PPARA: variants seen among roughly 807,000 people sequenced by gnomAD.
PPARA encodes the protein peroxisome proliferator-activated receptor alpha.
In PPARA, 22 loss-of-function variants were observed where a neutral mutation model predicts 42.2. The ratio of observed to expected loss-of-function variants is 0.52; its 90% CI spans 0.37 to 0.74. PPARA has a LOEUF of 0.74. PPARA is among the 30% of genes least tolerant of loss of function. The pLI is 0.00. For synonymous variants in PPARA, 242 were observed against 239.3 expected (o/e 1.01, Z -0.10); for missense variants, 465 against 608.2 (o/e 0.76, Z 2.48).
At chr22:46,202,665 AT>A (rs1932899065) in intron 4 of PPARA, among the ~76,000 whole-genome samples, 1 of 151,820 alleles carries the variant, frequency 6.6e-6, no homozygotes, top group African/African-American at 2.4e-5. Context: ...AAAATATTTT[AT>A]TTTTTATTTA....
At chr22:46,175,387 TCATTAATCTGTTGCC>T (rs1928872255) in intron 2 of PPARA, among the ~76,000 whole-genome samples, 1 of 152,118 alleles carries the variant, frequency 6.6e-6, no homozygotes, top group African/African-American at 2.4e-5. Flanking sequence ...ATTTTGCCAG[TCATTAATCTGTTGCC>T]CATTTCTGTC....
At chr22:46,172,332 A>C (rs886587164) in intron 2 of PPARA, among the ~76,000 whole-genome samples, 17 of 151,800 alleles carry the variant, frequency 1.1e-4, no homozygotes, top group Non-Finnish European at 1.9e-4. Flanking sequence ...AAAAAAAAAA[A>C]AAAAAAAACA....
At chr22:46,157,397 C>T (rs1274618528) in intron 2 of PPARA, among the ~76,000 whole-genome samples, 1 of 152,078 alleles carries the variant, frequency 6.6e-6, no homozygotes, top group Non-Finnish European at 1.5e-5. Flanking sequence ...CGAAATTGTC[C>T]CAGACCTCTG....
chr22:46,231,975 A>C lies in PPARA; in HGVS notation c.895A>C (p.Asn299His). 2.5e-6 allele frequency: 4 copies of C among 1,614,250 alleles called. No individual in the cohort carries two copies. Among genetic ancestry groups the C allele is most frequent in the Non-Finnish European group, 3.4e-6 (4 of 1,180,044 alleles). Residue 299 changes from asparagine to histidine, a missense_variant, in exon 8 of 9, where the codon AAC becomes CAC. Coordinates refer to ENST00000407236, the MANE Select transcript of PPARA (RefSeq NM_005036.6). This position sits in a 1 kb window ranked among gnomAD's most constrained non-coding sequence, Gnocchi z 7.7. ...EFAKAIPGFA[N>H]LDLNDQVTLL... ...CGCCAAGGCCATCCCAGGCTTCGCA[A>C]ACTTGGACCTGAACGATCAAGTGAC...
At position 46,214,967 on chromosome 22, in the gene PPARA, G is replaced by T. The variant is rs191642280; in HGVS notation, c.209-206G>T. ...GCTCAGCAGCAGTGAGAGCGAGCATGCTGGCTTTGGGAGCACAGCACAATG... is the reference window on the plus strand; with the variant it reads ...GCTCAGCAGCAGTGAGAGCGAGCATTCTGGCTTTGGGAGCACAGCACAATG... On this transcript the variant is annotated intron_variant, in intron 4 of 8. Transcript: ENST00000407236. Among the ~76,000 whole-genome samples, 152 of 152,272 alleles carry T rather than the reference G, an allele frequency of 1.0e-3. 1 individual carries two copies. Among genetic ancestry groups the T allele is most frequent in the Non-Finnish European group, 6.8e-4 (46 of 68,020 alleles).
At position 46,221,712 on chromosome 22, in the gene PPARA, T is replaced by TGGC. The variant is rs1935018250; in HGVS notation, c.711+1700_711+1702dup. Among the ~76,000 whole-genome samples, 2 of 151,984 alleles carry TGGC rather than the reference T, an allele frequency of 1.3e-5. No homozygotes were observed. Among genetic ancestry groups the TGGC allele is most frequent in the African/African-American group, 4.8e-5 (2 of 41,364 alleles). ...TACTTGGGAAGCTGAGGCAGGAGAA[T>TGGC]GGCGTGAACCCAGGAGGCAGAGCTT... On this transcript the variant is annotated intron_variant, in intron 7 of 8. Coordinates refer to ENST00000407236, the MANE Select transcript of PPARA (RefSeq NM_005036.6). The surrounding 1 kb of genome is among the most constrained non-coding windows in gnomAD (Gnocchi z 5.9).
chr22:46,200,530 T>C lies in PPARA; in HGVS notation c.208+1939T>C, dbSNP rs998577584. Among the ~76,000 whole-genome samples the C allele has an allele frequency of 3.9e-5, 6 of 152,278 alleles. No homozygotes were observed. The highest frequency in any genetic ancestry group is 1.4e-4 in the African/African-American group (6 of 41,486). On this transcript the variant is annotated intron_variant, in intron 4 of 8. Coordinates refer to ENST00000407236, the MANE Select transcript of PPARA (RefSeq NM_005036.6). This position sits in a 1 kb window ranked among gnomAD's most constrained non-coding sequence, Gnocchi z 4.8. ...GCAAAAATACAGTATTATCATCTTA[T>C]GGGACCATGATACCACAGTTGAACT...
intron 2 of PPARA, among the ~76,000 whole-genome samples, chr22:46,157,413 T>C (rs135549): frequency 0.48 from 72,327 of 151,860 alleles, 18,539 homozygotes; most frequent in African/African-American, 0.66. Context: ...CTCTGCAGCT[T>C]CCCCCACACC....
In PPARA at chr22:46,195,201, C is replaced by A. The variant is rs974577524; in HGVS notation, c.-42-3141C>A. Among the ~76,000 whole-genome samples the A allele has an allele frequency of 2.0e-5, 3 of 152,156 alleles. No individual in the cohort carries two copies. The highest frequency in any genetic ancestry group is 2.9e-5 in the Non-Finnish European group (2 of 68,034). On this transcript the variant is annotated intron_variant, in intron 3 of 8. Coordinates refer to ENST00000407236, the MANE Select transcript of PPARA (RefSeq NM_005036.6). The surrounding 1 kb of genome is among the most constrained non-coding windows in gnomAD (Gnocchi z 4.6). ...TACAGGTGTGAGCCACCATGCCCGG[C>A]CCCAGCTACTTGCTTTCTATTGGGA...
At position 46,212,673 on chromosome 22, in the gene PPARA, G is replaced by T. The variant is rs1373418480; in HGVS notation, c.209-2500G>T. Among the ~76,000 whole-genome samples, 1 of 151,928 alleles carries T rather than the reference G, an allele frequency of 6.6e-6. No homozygotes were observed. Among genetic ancestry groups the T allele is most frequent in the Non-Finnish European group, 1.5e-5 (1 of 68,012 alleles). On this transcript the variant is annotated intron_variant, in intron 4 of 8. Transcript: ENST00000407236. This position sits in a 1 kb window ranked among gnomAD's most constrained non-coding sequence, Gnocchi z 4.2. ...TTGTATATCTATTCACCTATCTAAGGGCATCTTGGTTGCTTCCAATTTTTG... is the reference window on the plus strand; with the variant it reads ...TTGTATATCTATTCACCTATCTAAGTGCATCTTGGTTGCTTCCAATTTTTG...
intron 4 of PPARA, among the ~76,000 whole-genome samples, chr22:46,205,777 G>A (rs772555498): frequency 2.6e-5 from 4 of 151,092 alleles, no homozygotes; most frequent in Non-Finnish European, 4.4e-5. Context: ...ACATTTAGGT[G>A]CATAAACATT....
Position 46,162,433 on chromosome 22 carries a change from G to A in PPARA, c.-127+10463G>A, listed in dbSNP as rs546661670. Among the ~76,000 whole-genome samples, 34 of 152,234 alleles carry A rather than the reference G, an allele frequency of 2.2e-4. No homozygotes were observed. Among genetic ancestry groups the A allele is most frequent in the African/African-American group, 7.5e-4 (31 of 41,532 alleles). ...ACACACTCCCTTACCCTCATACCCC[G>A]CCGCACCCCTGTGACCTCTACCTTT... On this transcript the variant is annotated intron_variant, in intron 2 of 8. Transcript: ENST00000407236. This position sits in a 1 kb window ranked among gnomAD's most constrained non-coding sequence, Gnocchi z 6.0.
rs1217464810 is a variant in PPARA, at chr22:46,211,556, C to T, written c.209-3617C>T. ...TGTTTTGTTACATTCTGCATTTCAC[C>T]CTGGGATCCTCCAACCTCCTAAGTT... is the stretch of plus-strand genomic sequence containing the variant. On this transcript the variant is annotated intron_variant, in intron 4 of 8. Transcript: ENST00000407236. This position sits in a 1 kb window ranked among gnomAD's most constrained non-coding sequence, Gnocchi z 4.1. 6.6e-6 allele frequency among the ~76,000 whole-genome samples: 1 copy of T among 152,136 alleles called. No homozygotes were observed. The highest frequency in any genetic ancestry group is 1.5e-5 in the Non-Finnish European group (1 of 68,026).
chr22:46,153,162 C>G (rs1480511228), intron 2 of PPARA, among the ~76,000 whole-genome samples: 2 of 141,224 alleles, frequency 1.4e-5, no homozygotes, highest in Non-Finnish European at 3.1e-5. Context: ...TTTCCCACAT[C>G]CTTTTTTTTT....
rs1933349068 is a variant in PPARA, at chr22:46,206,740, A to C, written c.208+8149A>C. Reference sequence around the variant, plus strand: ...GATAGTAGTAAGAAAAATTTTTTACATTTACCCACATAATTACCTTTTCTA... The same window carrying C: ...GATAGTAGTAAGAAAAATTTTTTACCTTTACCCACATAATTACCTTTTCTA... On this transcript the variant is annotated intron_variant, in intron 4 of 8. Transcript: ENST00000407236. Among the ~76,000 whole-genome samples, 6 of 152,144 alleles carry C rather than the reference A, an allele frequency of 3.9e-5. No individual in the cohort carries two copies. In the South Asian group the frequency reaches 1.2e-3, roughly 32 times the overall value.
chr22:46,202,862 T>TTAAATAAA (rs57620271), intron 4 of PPARA, among the ~76,000 whole-genome samples: 12 of 150,752 alleles, frequency 8.0e-5, no homozygotes, highest in African/African-American at 2.7e-4. Context: ...GACTCTGTCT[T>TTAAATAAA]TAAATAAATA....
At chr22:46,155,737 A>G (rs767090765) in intron 2 of PPARA, 1 of 152,248 alleles carries the variant, frequency 6.6e-6, no homozygotes, top group East Asian at 1.9e-4. Flanking sequence ...GTGGTTAGGG[A>G]AACTTGGGCA....
chr22:46,198,500 A>G lies in PPARA; in HGVS notation c.117A>G (p.Gln39=), dbSNP rs754741913. 6 of 1,613,934 alleles carry G rather than the reference A, an allele frequency of 3.7e-6. No homozygotes were observed. Among genetic ancestry groups the G allele is most frequent in the South Asian group, 2.2e-5 (2 of 91,082 alleles). ...QEMGNIQEIS[Q]SIGEDSSGSF... is the part of the protein sequence containing the mutation. ...TGGGAAACATCCAAGAGATTTCGCAATCCATCGGCGAGGATAGTTCTGGAA... is the reference window on the plus strand; with the variant it reads ...TGGGAAACATCCAAGAGATTTCGCAGTCCATCGGCGAGGATAGTTCTGGAA... Residue 39 remains glutamine, a synonymous_variant, in exon 4 of 9, where the codon CAA becomes CAG. Coordinates refer to ENST00000407236, the MANE Select transcript of PPARA (RefSeq NM_005036.6).
In PPARA at chr22:46,158,361, C is replaced by T. The variant is rs139097990; in HGVS notation, c.-127+6391C>T. ...GTCGGAGGTTGCAGTGAGCTGAGATCGCACCACTGCACATCTCAGAAAAAA... is the reference window on the plus strand; with the variant it reads ...GTCGGAGGTTGCAGTGAGCTGAGATTGCACCACTGCACATCTCAGAAAAAA... On this transcript the variant is annotated intron_variant, in intron 2 of 8. Transcript: ENST00000407236. 2.0e-3 allele frequency among the ~76,000 whole-genome samples: 300 copies of T among 152,118 alleles called. 3 individuals are homozygous for T. The highest frequency in any genetic ancestry group is 6.9e-3 in the African/African-American group (288 of 41,508).
Sources: allele counts gnomAD v4.1 joint callset (sites outside exome capture counted in the v4.1 genomes callset), GRCh38; gene constraint gnomAD v4.1.1; non-coding constraint Gnocchi (gnomAD v3.1); transcripts MANE v1.5; gene names NCBI Gene and HGNC (gene_info 2026-07-23, HGNC 2026-07-21).